Variants in MTDH observed in about 807,000 individuals in gnomAD.
MTDH encodes the protein metadherin.
A neutral mutation model predicts 72.7 loss-of-function variants in MTDH; 34 were observed. The observed-to-expected ratio is 0.47, with a 90% CI of 0.36 to 0.62. The LOEUF (loss-of-function observed/expected upper bound fraction) is 0.62. Among genes scored for constraint, MTDH ranks in the 20% least tolerant of loss-of-function variants. The pLI, the probability that MTDH is intolerant of heterozygous loss-of-function variation, is 0.00. For missense variants in MTDH, 677 were observed against 699.4 expected, an observed-to-expected ratio of 0.97 and a Z score of 0.36; for synonymous variants, 266 against 268.9, an observed-to-expected ratio of 0.99 and a Z score of 0.10.
chr8:97,705,808 A>T (rs1005954146), intron 7 of MTDH, among the ~76,000 whole-genome samples: 3 of 152,220 alleles, frequency 2.0e-5, no homozygotes, highest in African/African-American at 7.2e-5. Context: ...TATGATGTGC[A>T]GGGAGAGAAG....
Position 97,691,076 on chromosome 8 carries a change from A to C in MTDH, c.936A>C (p.Ala312=), listed in dbSNP as rs752952832. The C allele has an allele frequency of 7.4e-6, 12 of 1,614,202 alleles. No homozygotes were observed. In the Admixed American group the frequency reaches 1.3e-4, roughly 18 times the overall value. ...GGAACTCCGTTTCACCTGCTTCTGCAGGAAAGAGGAAAACTGAGCCATCTG... is the reference window on the plus strand; with the variant it reads ...GGAACTCCGTTTCACCTGCTTCTGCCGGAAAGAGGAAAACTGAGCCATCTG... The part of the protein sequence containing the change: ...EKWNSVSPAS[A]GKRKTEPSAW... Residue 312 remains alanine (A), a synonymous_variant, in exon 6 of 12, where the codon GCA becomes GCC. Coordinates refer to ENST00000336273, the MANE Select transcript of MTDH (RefSeq NM_178812.4).
chr8:97,682,932 A>G (rs115780522), intron 2 of MTDH, among the ~76,000 whole-genome samples: 1,835 of 150,434 alleles, frequency 0.012, 32 homozygotes, highest in Middle Eastern at 0.07. Flanking sequence ...TTAAATTTGT[A>G]TTTAGAGTTA....
rs1482437485 is a variant in MTDH, at chr8:97,669,279, A to AATC, written c.483+8106_483+8107insATC. On this transcript the variant is annotated intron_variant, in intron 2 of 11. Coordinates refer to ENST00000336273, the MANE Select transcript of MTDH (RefSeq NM_178812.4). ...ATTCTCCTGCCTCAGCCTCCCTAGTAGCTGGGATTACAGGCACCTGCCACC... is the reference window on the plus strand; with the variant it reads ...ATTCTCCTGCCTCAGCCTCCCTAGTAATCGCTGGGATTACAGGCACCTGCCACC... 4.6e-5 allele frequency among the ~76,000 whole-genome samples: 7 copies of AATC among 151,800 alleles called. No individual in the cohort carries two copies. The East Asian group carries it at 9.8e-4, about 21-fold the overall frequency.
chr8:97,716,080 A>G (rs1167522349), intron 9 of MTDH, among the ~76,000 whole-genome samples: 1 of 152,190 alleles, frequency 6.6e-6, no homozygotes, highest in Non-Finnish European at 1.5e-5. Flanking sequence ...TACATAGCAC[A>G]TATATCCTAT....
intron 2 of MTDH, among the ~76,000 whole-genome samples, chr8:97,682,265 TATATATATATATA>T: frequency 1.3e-4 from 1 of 7,986 alleles, no homozygotes; most frequent in Non-Finnish European, 2.4e-4. Context: ...TATATATATA[TATATATATATATA>T]TATTTTTTTT....
intron 5 of MTDH, among the ~76,000 whole-genome samples, 178 bp downstream of exon 5, chr8:97,689,281 T>G (rs1201425682): frequency 6.6e-6 from 1 of 151,960 alleles, no homozygotes; most frequent in Non-Finnish European, 1.5e-5. Flanking sequence ...AAAAGAAAAA[T>G]CACACCCACT....
At chr8:97,717,906 T>G (rs187373762) in intron 9 of MTDH, among the ~76,000 whole-genome samples, 91 of 151,958 alleles carry the variant, frequency 6.0e-4, no homozygotes, top group African/African-American at 2.1e-3. Context: ...TGTACCACCA[T>G]TACCAGATAA....
intron 2 of MTDH, among the ~76,000 whole-genome samples, chr8:97,666,893 C>T (rs1812412990): frequency 6.6e-6 from 1 of 152,146 alleles, no homozygotes; most frequent in Non-Finnish European, 1.5e-5. Context: ...GACGGGGTTT[C>T]ACTGTGTTGG....
intron 9 of MTDH, among the ~76,000 whole-genome samples, chr8:97,717,278 A>G (rs979257236): frequency 3.3e-5 from 5 of 152,364 alleles, no homozygotes; most frequent in African/African-American, 1.2e-4. Flanking sequence ...GCCATTTTAT[A>G]TGGATGCATT....
chr8:97,713,331 C>T (rs1252196423), intron 8 of MTDH, among the ~76,000 whole-genome samples: 1 of 152,082 alleles, frequency 6.6e-6, no homozygotes, highest in East Asian at 1.9e-4. Flanking sequence ...GTGATCCGCC[C>T]GCCTCGGCCT....
At chr8:97,718,968 T>G in intron 9 of MTDH, 81 bp from the exon 10 acceptor site, 1 of 1,325,838 alleles carries the variant, frequency 7.5e-7, no homozygotes, top group Non-Finnish European at 1.0e-6. Context: ...AGTGCTGGGA[T>G]TACAGCCATA....
intron 2 of MTDH, among the ~76,000 whole-genome samples, chr8:97,677,004 CAAAAAAA>C (rs57430782): frequency 2.6e-4 from 6 of 23,320 alleles, no homozygotes; most frequent in African/African-American, 7.2e-4. Context: ...GACTCTATCT[CAAAAAAA>C]AAAAAAAAAA....
chr8:97,699,461 A>G (rs1396914731), intron 6 of MTDH, among the ~76,000 whole-genome samples: 3 of 152,064 alleles, frequency 2.0e-5, no homozygotes, highest in Non-Finnish European at 2.9e-5. Flanking sequence ...AGAGAAATTT[A>G]TAGGTAACTT....
chr8:97,688,138 G>C lies in MTDH; in HGVS notation c.745+533G>C, dbSNP rs74818470. Among the ~76,000 whole-genome samples, 219 of 152,238 alleles carry C rather than the reference G, an allele frequency of 1.4e-3. 3 individuals are homozygous for C. In the East Asian group the frequency reaches 0.031, roughly 21 times the overall value. ...CTTTCTCTCAAGTATTAATATTTCA[G>C]ATGTTCATACTATCCAATACTGGTG... On this transcript the variant is annotated intron_variant, in intron 4 of 11. Coordinates refer to ENST00000336273, the MANE Select transcript of MTDH (RefSeq NM_178812.4).
chr8:97,651,067 A>G (rs1033520729), intron 1 of MTDH, among the ~76,000 whole-genome samples: 6 of 152,222 alleles, frequency 3.9e-5, no homozygotes, highest in African/African-American at 1.4e-4. Flanking sequence ...ACAGATCAGC[A>G]TAGTTGATTT....
At chr8:97,671,056 C>T (rs1372868961) in intron 2 of MTDH, among the ~76,000 whole-genome samples, 1 of 146,234 alleles carries the variant, frequency 6.8e-6, no homozygotes, top group Non-Finnish European at 1.5e-5. Flanking sequence ...AGCTCCGCTT[C>T]CCGGGTTCAC....
In MTDH at chr8:97,696,307, A is replaced by G. The variant is rs914127436; in HGVS notation, c.1049-3447A>G. On this transcript the variant is annotated intron_variant, in intron 6 of 11. Coordinates refer to ENST00000336273, the MANE Select transcript of MTDH (RefSeq NM_178812.4). ...CTGCTGTTTCTGGTATGTGAAAAAC[A>G]GTCTTTTGTTCAGCTAACAAAAACA... 28 of 982,466 alleles carry G rather than the reference A, an allele frequency of 2.8e-5. No homozygotes were observed. In the Admixed American group the frequency reaches 3.7e-4, roughly 13 times the overall value. The allele number at this position is 982,466 out of a possible 1,614,324, so 60.9% of individuals were successfully genotyped here. A position where few individuals can be genotyped will look rare whatever the true frequency, so the allele number is the denominator to read the frequency against.
At chr8:97,685,018 A>C (rs1036220094) in intron 2 of MTDH, among the ~76,000 whole-genome samples, 3 of 152,214 alleles carry the variant, frequency 2.0e-5, no homozygotes, top group Non-Finnish European at 1.5e-5. Flanking sequence ...GTGAGCTGAG[A>C]TCATGGCACT....
At chr8:97,670,014 C>G (rs943146655) in intron 2 of MTDH, among the ~76,000 whole-genome samples, 1 of 152,040 alleles carries the variant, frequency 6.6e-6, no homozygotes, top group South Asian at 2.1e-4. Context: ...CTTTCTCTCA[C>G]CGCTATAAAG....
Sources: gnomAD v4.1 joint callset for allele counts (sites outside exome capture counted in the v4.1 genomes callset) on GRCh38, gnomAD v4.1.1 for gene constraint, MANE v1.5 for transcripts, NCBI Gene and HGNC (gene_info 2026-07-23, HGNC 2026-07-21) for gene names.